Variants in TTC9 observed in about 807,000 individuals in gnomAD.
TTC9 encodes the protein tetratricopeptide repeat protein 9A.
A neutral mutation model predicts 22.9 loss-of-function variants in TTC9; 13 were observed. The ratio of observed to expected loss-of-function variants is 0.57; its 90% CI spans 0.37 to 0.90. TTC9 has a LOEUF of 0.90. Among genes scored for constraint, TTC9 ranks in the 40% least tolerant of loss-of-function variants. The probability of loss-of-function intolerance (pLI) is 0.01; values close to 1 mark genes in which losing one functional copy is unlikely to be tolerated. For synonymous variants in TTC9, 148 were observed against 133.2 expected (o/e 1.11, Z -0.77); for missense variants, 280 against 291.8 (o/e 0.96, Z 0.29).
rs368089455 is a variant in TTC9, at chr14:70,642,293, G to A, written c.164G>A (p.Arg55Gln). ...GAAAEPAELIRRAHEFKSQGA... is the reference protein window; with the variant it reads ...GAAAEPAELIQRAHEFKSQGA... The stretch of plus-strand genomic sequence containing the variant: ...GCGGCCGAGCCGGCCGAGCTCATCC[G>A]ACGAGCGCACGAGTTCAAAAGCCAA... The change falls in exon 1 of 3, where the codon CGA becomes CAA. Residue 55 changes from arginine to glutamine, a missense_variant. Around this residue, in one of 5 missense-constraint regions of TTC9, gnomAD observed 165 missense variants for 145.4 expected, o/e 1.14. Transcript: ENST00000256367. The A allele has an allele frequency of 1.3e-6, 2 of 1,536,700 alleles. No individual in the cohort carries two copies.
intron 1 of TTC9, among the ~76,000 whole-genome samples, chr14:70,644,952 A>T (rs966377902): frequency 2.0e-5 from 3 of 152,012 alleles, no homozygotes; most frequent in Non-Finnish European, 2.9e-5. Context: ...CTCTACTAAA[A>T]ATACAAAAAA....
chr14:70,642,573 T>G, intron 1 of TTC9, 38 bp downstream of exon 1: 1 of 1,490,858 alleles, frequency 6.7e-7, no homozygotes, highest in Non-Finnish European at 9.0e-7. Flanking sequence ...CGGTCCCCGT[T>G]CTTCGGCCCG....
intron 1 of TTC9, among the ~76,000 whole-genome samples, chr14:70,653,480 C>T (rs1485806657): frequency 6.6e-6 from 1 of 152,210 alleles, no homozygotes; most frequent in African/African-American, 2.4e-5. Context: ...GAACATATAA[C>T]TCATCAGTTA....
chr14:70,659,131 C>CGT (rs940885583), intron 1 of TTC9, among the ~76,000 whole-genome samples: 2 of 99,192 alleles, frequency 2.0e-5, no homozygotes, highest in South Asian at 3.5e-4. Context: ...CACACACACA[C>CGT]GCACACACAC....
At chr14:70,652,278 G>C (rs774509418) in intron 1 of TTC9, among the ~76,000 whole-genome samples, 2 of 152,206 alleles carry the variant, frequency 1.3e-5, no homozygotes, top group Admixed American at 6.5e-5. Context: ...AGTATTAAAT[G>C]ATCCCAACTG....
At chr14:70,648,900 T>G (rs1594735371) in intron 1 of TTC9, among the ~76,000 whole-genome samples, 1 of 152,232 alleles carries the variant, frequency 6.6e-6, no homozygotes, top group East Asian at 1.9e-4. Context: ...CTGTGGTATT[T>G]ATATGGCCTT....
At chr14:70,652,442 A>G (rs1232397268) in intron 1 of TTC9, among the ~76,000 whole-genome samples, 2 of 152,196 alleles carry the variant, frequency 1.3e-5, no homozygotes, top group African/African-American at 4.8e-5. Context: ...ATCTAAATTG[A>G]TGGCACCAAA....
chr14:70,642,435 C>T lies in TTC9; in HGVS notation c.306C>T (p.Arg102=). ...PPPGERERDS[R]PASPAGALKP... ...CCGGGGAACGGGAGCGGGACTCGCG[C>T]CCGGCCTCCCCGGCTGGGGCCCTGA... The change falls in exon 1 of 3, where the codon CGC becomes CGT. Residue 102 remains arginine, a synonymous_variant. Coordinates refer to ENST00000256367, the MANE Select transcript of TTC9 (RefSeq NM_015351.2). 1.3e-6 allele frequency: 2 copies of T among 1,567,736 alleles called. No homozygotes were observed. The highest frequency in any genetic ancestry group is 1.2e-5 in the South Asian group (1 of 85,436).
intron 1 of TTC9, among the ~76,000 whole-genome samples, chr14:70,652,263 CAGTA>C (rs940670597): frequency 6.6e-6 from 1 of 152,186 alleles, no homozygotes; most frequent in Non-Finnish European, 1.5e-5. Flanking sequence ...TATGTGCTGA[CAGTA>C]AGTATTAAAT....
chr14:70,665,228 C>T (rs948218342), intron 1 of TTC9, among the ~76,000 whole-genome samples: 2 of 152,180 alleles, frequency 1.3e-5, no homozygotes, highest in African/African-American at 4.8e-5. Flanking sequence ...GAGAGGACTT[C>T]AGGCAGGGAG....
chr14:70,659,095 A>G (rs1206915927), intron 1 of TTC9, among the ~76,000 whole-genome samples: 1 of 149,860 alleles, frequency 6.7e-6, no homozygotes, highest in Admixed American at 6.7e-5. Context: ...AGGAACCTAC[A>G]CACGATAAAA....
At chr14:70,669,241 A>G (rs1254503417) in intron 2 of TTC9, among the ~76,000 whole-genome samples, 3 of 152,040 alleles carry the variant, frequency 2.0e-5, no homozygotes, top group African/African-American at 4.8e-5. Context: ...CATTTAAACA[A>G]CTTTGACTTG....
At chr14:70,642,593 C>G in intron 1 of TTC9, 58 bp downstream of exon 1, 1 of 1,438,326 alleles carries the variant, frequency 7.0e-7, no homozygotes, top group Non-Finnish European at 9.3e-7. Flanking sequence ...GGTCCCTCCG[C>G]GGACCACTGC....
chr14:70,660,435 A>G (rs1886129774), intron 1 of TTC9, among the ~76,000 whole-genome samples: 1 of 152,236 alleles, frequency 6.6e-6, no homozygotes, highest in African/African-American at 2.4e-5. Flanking sequence ...ATTCATGTAC[A>G]CATTGCTGGG....
intron 1 of TTC9, among the ~76,000 whole-genome samples, chr14:70,650,950 G>A (rs1885975869): frequency 6.6e-6 from 1 of 151,988 alleles, no homozygotes; most frequent in South Asian, 2.1e-4. Flanking sequence ...AAGAGGCTAG[G>A]CAAGGAATAG....
At chr14:70,647,156 G>A (rs10147181) in intron 1 of TTC9, among the ~76,000 whole-genome samples, 87,445 of 151,976 alleles carry the variant, frequency 0.58, 25,497 homozygotes, top group African/African-American at 0.65. Context: ...TGAACTTATA[G>A]GAACACTTTA....
rs1180993735 is a variant in TTC9, at chr14:70,642,543, G to A, written c.406+8G>A. 9 of 1,533,210 alleles carry A rather than the reference G, an allele frequency of 5.9e-6. No homozygotes were observed. The highest frequency in any genetic ancestry group is 6.1e-6 in the Non-Finnish European group (7 of 1,141,000). 95.0% of individuals were successfully genotyped at this position (1,533,210 alleles called of 1,614,324 possible). On this transcript the variant is annotated splice_region_variant and intron_variant, in intron 1 of 2. Coordinates refer to ENST00000256367, the MANE Select transcript of TTC9 (RefSeq NM_015351.2). ...GTTACAACAGCCTGGCAGGTGAGCC[G>A]CGCCGCGCCCCCCGCGCCGCGGTCC... is the stretch of plus-strand genomic sequence containing the variant.
At chr14:70,657,835 A>G (rs772261495) in intron 1 of TTC9, among the ~76,000 whole-genome samples, 32 of 152,134 alleles carry the variant, frequency 2.1e-4, no homozygotes, top group Non-Finnish European at 3.4e-4. Flanking sequence ...ACCTGGTGGC[A>G]GGCACCTGTA....
intron 2 of TTC9, among the ~76,000 whole-genome samples, chr14:70,669,177 A>AG (rs1306640740): frequency 1.3e-5 from 2 of 152,050 alleles, no homozygotes; most frequent in African/African-American, 4.8e-5. Flanking sequence ...AAGAGTAAAG[A>AG]GGGGGGAGCT....
Sources: gnomAD v4.1 joint callset for allele counts (sites outside exome capture counted in the v4.1 genomes callset) on GRCh38, gnomAD v4.1.1 for gene constraint, gnomAD v4.1.1 regional missense constraint, MANE v1.5 for transcripts, NCBI Gene and HGNC (gene_info 2026-07-23, HGNC 2026-07-21) for gene names.